Variants in FN1 observed in about 807,000 individuals in gnomAD.
FN1 encodes the protein fibronectin 1.
In FN1, 106 loss-of-function variants were observed where a neutral mutation model predicts 297.3. The ratio of observed to expected loss-of-function variants is 0.36; its 90% CI spans 0.30 to 0.42. The LOEUF (loss-of-function observed/expected upper bound fraction) is 0.42. Among genes scored for constraint, FN1 ranks in the 10% least tolerant of loss-of-function variants. FN1 has a pLI of 1.00. For synonymous variants in FN1, 1,149 were observed against 1,152.6 expected (o/e 1.00, Z 0.06); for missense variants, 2,690 against 3,124.9 (o/e 0.86, Z 3.32).
chr2:215,404,185 G>A (rs566694397), intron 20 of FN1, among the ~76,000 whole-genome samples: 2 of 152,228 alleles, frequency 1.3e-5, no homozygotes, highest in South Asian at 4.2e-4. Context: ...TTTACGTTCT[G>A]GCACAACCGT....
chr2:215,434,907 G>T (rs1275323057), intron 1 of FN1, 83 bp from the exon 2 acceptor site: 33 of 1,422,238 alleles, frequency 2.3e-5, no homozygotes, highest in Non-Finnish European at 3.2e-5. Flanking sequence ...GAATATTGAC[G>T]TACATATTTT....
At chr2:215,365,806 ATTTTTT>A in intron 42 of FN1, 176 bp from the exon 43 acceptor site, 3 of 252,026 alleles carry the variant, frequency 1.2e-5, no homozygotes, top group South Asian at 1.0e-4. Context: ...TTTACTTTTT[ATTTTTT>A]TTTTTTTTTT....
At chr2:215,406,171 A>G (rs2061752151) in intron 19 of FN1, 67 bp downstream of exon 19, 2 of 1,513,722 alleles carry the variant, frequency 1.3e-6, no homozygotes, top group East Asian at 4.5e-5. Context: ...GGTTTACTGC[A>G]CTTTCTCACA....
In FN1 at chr2:215,434,889, C is replaced by T. The variant is rs550289691; in HGVS notation, c.149-65G>A. The T allele has an allele frequency of 6.8e-5, 106 of 1,567,734 alleles. No homozygotes were observed. The East Asian group carries it at 2.1e-3, about 32-fold the overall frequency. ...CCTTTTCCCAAAATTATGGAATTTT[C>T]TTCATGTGAATATTGACGTACATAT... On this transcript the variant is annotated intron_variant, in intron 1 of 45. Transcript: ENST00000354785.
chr2:215,415,032 GTCA>G (rs2063245031), intron 12 of FN1, 74 bp from the exon 13 acceptor site: 2 of 1,154,124 alleles, frequency 1.7e-6, no homozygotes, highest in African/African-American at 1.5e-5. Flanking sequence ...TACATGGACA[GTCA>G]TCATTATAAA....
At chr2:215,397,372 AT>A (rs1197158897) in intron 22 of FN1, 149 bp from the exon 23 acceptor site, 5 of 629,426 alleles carry the variant, frequency 7.9e-6, no homozygotes, top group Non-Finnish European at 1.1e-5. Flanking sequence ...TGAAAATATG[AT>A]GGACAGCAGT....
intron 20 of FN1, among the ~76,000 whole-genome samples, chr2:215,403,480 G>A (rs539969119): frequency 1.3e-5 from 2 of 152,286 alleles, no homozygotes; most frequent in East Asian, 3.9e-4. Context: ...TTGCAAACTA[G>A]TCCATGGTTA....
At chr2:215,409,342 A>G (rs1194602807) in intron 15 of FN1, among the ~76,000 whole-genome samples, 1 of 152,150 alleles carries the variant, frequency 6.6e-6, no homozygotes, top group African/African-American at 2.4e-5. Flanking sequence ...TGCAGCTGGC[A>G]TCAGGGACCA....
intron 23 of FN1, 71 bp from the exon 24 acceptor site, chr2:215,394,790 A>T: frequency 8.4e-7 from 1 of 1,195,582 alleles, no homozygotes; most frequent in South Asian, 1.2e-5. Context: ...ACTAGACTCC[A>T]ATGATGGATT....
intron 35 of FN1, among the ~76,000 whole-genome samples, chr2:215,376,981 G>A (rs144600241): frequency 8.2e-4 from 125 of 151,886 alleles, no homozygotes; most frequent in Admixed American, 1.7e-3. Context: ...AATTATTAAT[G>A]TATTATAATG....
intron 29 of FN1, chr2:215,384,551 AAAAGT>A (rs960461235): frequency 1.6e-4 from 63 of 388,344 alleles, no homozygotes; most frequent in Admixed American, 5.0e-4. Flanking sequence ...GAAAATACAG[AAAAGT>A]AAAGAGAAGA....
chr2:215,426,143 CTTTTTT>C (rs58002948), intron 6 of FN1, among the ~76,000 whole-genome samples: 1 of 101,072 alleles, frequency 9.9e-6, no homozygotes, highest in African/African-American at 3.5e-5. Context: ...TTTCTTTTTT[CTTTTTT>C]TTTTTTTTTT....
At position 215,384,014 on chromosome 2, in the gene FN1, T is replaced by C; in HGVS notation, c.4894+6A>G. The C allele has an allele frequency of 1.9e-6, 3 of 1,613,966 alleles. No homozygotes were observed. Among genetic ancestry groups the C allele is most frequent in the South Asian group, 1.1e-5 (1 of 91,076 alleles). Reference sequence around the variant, plus strand: ...GCTGGTGTCACCCCAGAGTAGAAGTTTGTACCTGTTCGGTAATTAATGGAA... The same window carrying C: ...GCTGGTGTCACCCCAGAGTAGAAGTCTGTACCTGTTCGGTAATTAATGGAA... On this transcript the variant is annotated splice_donor_region_variant and intron_variant, in intron 30 of 45. Transcript: ENST00000354785.
rs754143371 is a variant in FN1, at chr2:215,397,681, T to C, written c.3516A>G (p.Thr1172=). 6 of 1,613,858 alleles carry C rather than the reference T, an allele frequency of 3.7e-6. No homozygotes were observed. Among genetic ancestry groups the C allele is most frequent in the Non-Finnish European group, 2.5e-6 (3 of 1,179,836 alleles). ...GAAAAGGGAAAAAATTCTTCTTACG[T>C]GTCACCACTTTGTTTACAATTGGCG... ...RDAPIVNKVV[T]PLSPPTNLHL... is the part of the protein sequence containing the mutation. Residue 1172 remains threonine (T), a splice_region_variant and synonymous_variant, in exon 22 of 46, where the codon ACA becomes ACG. Transcript: ENST00000354785.
At position 215,383,880 on chromosome 2, in the gene FN1, C is replaced by T. The variant is rs1443941847; in HGVS notation, c.4894+140G>A. On this transcript the variant is annotated intron_variant, in intron 30 of 45. Coordinates refer to ENST00000354785, the MANE Select transcript of FN1 (RefSeq NM_212482.4). The stretch of plus-strand genomic sequence containing the variant: ...TCTTTATCTGGCTCAAAACTCTGTT[C>T]GCTGCAGGTGCTAGCTGCAGGTTGT... 5.6e-6 allele frequency: 5 copies of T among 897,388 alleles called. No individual in the cohort carries two copies. The African/African-American group carries it at 6.6e-5, about 12-fold the overall frequency. The allele number at this position is 897,388 out of a possible 1,614,324, so 55.6% of individuals were successfully genotyped here.
At chr2:215,367,743 CTT>C (rs2106181349) in intron 42 of FN1, 118 bp downstream of exon 42, 8 of 970,390 alleles carry the variant, frequency 8.2e-6, no homozygotes, top group Non-Finnish European at 1.3e-5. Context: ...ACAGTATTCT[CTT>C]GTTTGCTTCA....
At chr2:215,425,358 C>A in intron 6 of FN1, 73 bp from the exon 7 acceptor site, 1 of 1,426,298 alleles carries the variant, frequency 7.0e-7, no homozygotes, top group Non-Finnish European at 9.9e-7. Context: ...CAGTCAGGAT[C>A]TTCAGGATCT....
At chr2:215,414,450 T>C (rs2063143076) in intron 13 of FN1, among the ~76,000 whole-genome samples, 1 of 152,090 alleles carries the variant, frequency 6.6e-6, no homozygotes, top group African/African-American at 2.4e-5. Context: ...TTTCAAATTA[T>C]GAAAATGATG....
At chr2:215,370,535 GAAGACAAAA>G in intron 40 of FN1, 103 bp from the exon 41 acceptor site, 5 of 558,404 alleles carry the variant, frequency 9.0e-6, no homozygotes, top group Admixed American at 4.1e-5. Context: ...CAAAGCAAAG[GAAGACAAAA>G]AACAAAAAAC....
Sources: gnomAD v4.1 joint callset for allele counts (sites outside exome capture counted in the v4.1 genomes callset) on GRCh38, gnomAD v4.1.1 for gene constraint, MANE v1.5 for transcripts, NCBI Gene and HGNC (gene_info 2026-07-23, HGNC 2026-07-21) for gene names.